Variants in ZNF804A observed in about 807,000 individuals in gnomAD.
The protein encoded by ZNF804A is zinc finger protein 804A.
ZNF804A carries 2 observed loss-of-function variants against 16.5 expected under a neutral mutation model. That is an observed-to-expected ratio of 0.12 (90% CI 0.05 to 0.38). The LOEUF (loss-of-function observed/expected upper bound fraction) is 0.38, where lower values mean the gene tolerates loss of function less well. Among genes scored for constraint, ZNF804A ranks in the 10% least tolerant of loss-of-function variants. The pLI, the probability that ZNF804A is intolerant of heterozygous loss-of-function variation, is 0.99. For missense variants in ZNF804A, 1,473 were observed against 1,390.7 expected, an observed-to-expected ratio of 1.06 and a Z score of -0.94; for synonymous variants, 534 against 489.6, an observed-to-expected ratio of 1.09 and a Z score of -1.20.
chr2:184,754,611 T>C (rs1693930627), intron 1 of ZNF804A, among the ~76,000 whole-genome samples: 1 of 151,930 alleles, frequency 6.6e-6, no homozygotes, highest in Non-Finnish European at 1.5e-5. Context: ...TATCTCGAAT[T>C]GAAACACATC....
At chr2:184,795,452 G>A (rs1694616651) in intron 1 of ZNF804A, among the ~76,000 whole-genome samples, 1 of 152,010 alleles carries the variant, frequency 6.6e-6, no homozygotes, top group South Asian at 2.1e-4. Context: ...ACACCTAAAT[G>A]CTTACATCAA....
chr2:184,843,741 T>C (rs180854726), intron 1 of ZNF804A, among the ~76,000 whole-genome samples: 1 of 152,288 alleles, frequency 6.6e-6, no homozygotes, highest in East Asian at 1.9e-4. Flanking sequence ...ATGGCTTTTG[T>C]CTTTTTAGTT....
chr2:184,881,850 A>G (rs1034525138), intron 2 of ZNF804A, among the ~76,000 whole-genome samples: 3 of 152,108 alleles, frequency 2.0e-5, no homozygotes, highest in Non-Finnish European at 4.4e-5. Context: ...ACTTAAGTAC[A>G]TAGAACAGTA....
chr2:184,725,937 C>T (rs1400222716), intron 1 of ZNF804A, among the ~76,000 whole-genome samples: 2 of 151,574 alleles, frequency 1.3e-5, no homozygotes, highest in African/African-American at 4.8e-5. Context: ...TCCTGAGATA[C>T]ATTTAAGGTG....
intron 2 of ZNF804A, among the ~76,000 whole-genome samples, chr2:184,922,942 C>A (rs1690863029): frequency 1.3e-5 from 2 of 152,040 alleles, no homozygotes; most frequent in South Asian, 4.1e-4. Flanking sequence ...CAATACCATG[C>A]CATTTTGGTT....
chr2:184,692,983 A>G (rs1038341687), intron 1 of ZNF804A, among the ~76,000 whole-genome samples: 1 of 152,194 alleles, frequency 6.6e-6, no homozygotes, highest in African/African-American at 2.4e-5. Context: ...GCCATATAAT[A>G]TTAGTAAAAT....
At chr2:184,710,860 G>A (rs11895541) in intron 1 of ZNF804A, among the ~76,000 whole-genome samples, 47,238 of 151,526 alleles carry the variant, frequency 0.31, 9,691 homozygotes, top group African/African-American at 0.58. Context: ...AGGCTGAATA[G>A]TATTTCATTC....
At chr2:184,743,177 A>T (rs1693734470) in intron 1 of ZNF804A, among the ~76,000 whole-genome samples, 1 of 151,962 alleles carries the variant, frequency 6.6e-6, no homozygotes, top group Admixed American at 6.6e-5. Context: ...GCCAGACTGA[A>T]ATCCTTTCCA....
intron 1 of ZNF804A, among the ~76,000 whole-genome samples, chr2:184,809,948 G>A (rs1694866663): frequency 6.6e-6 from 1 of 152,046 alleles, no homozygotes; most frequent in Admixed American, 6.6e-5. Context: ...AAGGCCCAGT[G>A]AATTCAAATA....
chr2:184,783,009 A>AT (rs1694394867), intron 1 of ZNF804A, among the ~76,000 whole-genome samples: 1 of 150,146 alleles, frequency 6.7e-6, no homozygotes, highest in South Asian at 2.1e-4. Context: ...TTTTTTGTTC[A>AT]TTTTTGTTTT....
intron 1 of ZNF804A, among the ~76,000 whole-genome samples, chr2:184,760,310 A>C (rs534176148): frequency 2.2e-4 from 33 of 152,298 alleles, no homozygotes; most frequent in Non-Finnish European, 4.6e-4. Context: ...TACTACAAAA[A>C]TGGAGACATA....
At chr2:184,677,879 C>A (rs1387109218) in intron 1 of ZNF804A, among the ~76,000 whole-genome samples, 1 of 151,884 alleles carries the variant, frequency 6.6e-6, no homozygotes, top group Non-Finnish European at 1.5e-5. Context: ...AATTCGGTCC[C>A]ACCACAGGCT....
chr2:184,737,834 T>C (rs1033256159), intron 1 of ZNF804A, among the ~76,000 whole-genome samples: 1 of 151,836 alleles, frequency 6.6e-6, no homozygotes, highest in Admixed American at 6.6e-5. Flanking sequence ...AAAGAAAATA[T>C]CAGATCTGTC....
chr2:184,898,305 T>C (rs1685121097), intron 2 of ZNF804A, among the ~76,000 whole-genome samples: 1 of 152,126 alleles, frequency 6.6e-6, no homozygotes, highest in Non-Finnish European at 1.5e-5. Flanking sequence ...GAAGCTACTG[T>C]AATAGTGAAT....
chr2:184,662,550 ATTAC>A (rs1692191077), intron 1 of ZNF804A, among the ~76,000 whole-genome samples: 1 of 152,170 alleles, frequency 6.6e-6, no homozygotes, highest in Non-Finnish European at 1.5e-5. Context: ...GTATTTGCTT[ATTAC>A]TTATCTTACT....
intron 2 of ZNF804A, among the ~76,000 whole-genome samples, chr2:184,885,579 G>A (rs561705645): frequency 1.6e-4 from 24 of 152,132 alleles, no homozygotes; most frequent in Non-Finnish European, 2.4e-4. Context: ...GTCTGCTTTC[G>A]TGCTGCTGAT....
chr2:184,734,823 T>C (rs1345627444), intron 1 of ZNF804A, among the ~76,000 whole-genome samples: 1 of 152,190 alleles, frequency 6.6e-6, no homozygotes, highest in African/African-American at 2.4e-5. Flanking sequence ...AGCAGTTTTT[T>C]CCTCGTATAA....
At chr2:184,626,889 G>A (rs1691513153) in intron 1 of ZNF804A, among the ~76,000 whole-genome samples, 1 of 152,172 alleles carries the variant, frequency 6.6e-6, no homozygotes, top group East Asian at 1.9e-4. Context: ...TTCAAACCAT[G>A]TGGACTGTCA....
At chr2:184,624,758 G>A (rs1158745769) in intron 1 of ZNF804A, among the ~76,000 whole-genome samples, 1 of 152,106 alleles carries the variant, frequency 6.6e-6, no homozygotes, top group Non-Finnish European at 1.5e-5. Flanking sequence ...CATTCTTGGT[G>A]AAAAGCTGGT....
Sources: allele counts gnomAD v4.1 joint callset (sites outside exome capture counted in the v4.1 genomes callset), GRCh38; gene constraint gnomAD v4.1.1; transcripts MANE v1.5; gene names NCBI Gene and HGNC (gene_info 2026-07-23, HGNC 2026-07-21).